ZNF284: variants seen among roughly 807,000 people sequenced by gnomAD.
ZNF284 encodes zinc finger protein 284.
A neutral mutation model predicts 12.9 loss-of-function variants in ZNF284; 12 were observed. The observed-to-expected ratio is 0.93, with a 90% CI of 0.60 to 1.51. The LOEUF (loss-of-function observed/expected upper bound fraction) is 1.51. Among genes scored for constraint, ZNF284 ranks in the 40% most tolerant of loss-of-function variants. The pLI, the probability that ZNF284 is intolerant of heterozygous loss-of-function variation, is 0.00. For missense variants in ZNF284, 667 were observed against 707.3 expected (o/e 0.94, Z 0.65); for synonymous variants, 225 against 236.5 (o/e 0.95, Z 0.45).
In ZNF284 at chr19:44,086,255, T is replaced by G; in HGVS notation, c.777T>G (p.His259Gln). Residue 259 changes from histidine (H) to glutamine (Q), a missense_variant, in exon 5 of 5, where the codon CAT becomes CAG. His to Gln is a conservative substitution (Grantham distance 24). Transcript: ENST00000421176. ...AATTACACACAGGAGAAAAACCTCA[T>G]ATTTGTGAGGAATGTGGGAAGGCCT... Reference protein sequence around the residue: ...HCKLHTGEKPHICEECGKAFI... With the variant: ...HCKLHTGEKPQICEECGKAFI... The G allele has an allele frequency of 6.2e-7, 1 of 1,614,192 alleles. No homozygotes were observed. The highest frequency in any genetic ancestry group is 8.5e-7 in the Non-Finnish European group (1 of 1,180,032).
chr19:44,086,181 C>T lies in ZNF284; in HGVS notation c.703C>T (p.Gln235Ter), dbSNP rs201496854. ...TGGAGAGAAACCATTCAAATGTGAG[C>T]AGTGTGGGAAAAGTTTCAGCCGTAG... The part of the protein sequence containing the change: ...HTGEKPFKCE[Q>*]CGKSFSRRSG... The change falls in exon 5 of 5, where the codon CAG becomes TAG. Residue 235 changes from glutamine to a stop codon, truncating the protein, a stop_gained. Transcript: ENST00000421176. LOFTEE classifies it low-confidence loss of function (END_TRUNC). 672 of 1,614,102 alleles carry T rather than the reference C, an allele frequency of 4.2e-4. No individual in the cohort carries two copies. The highest frequency in any genetic ancestry group is 5.0e-4 in the Non-Finnish European group (588 of 1,180,012).
In ZNF284 at chr19:44,081,156, C is replaced by T; in HGVS notation, c.142+15C>T. The T allele has an allele frequency of 6.2e-7, 1 of 1,605,292 alleles. No individual in the cohort carries two copies. The highest frequency in any genetic ancestry group is 8.5e-7 in the Non-Finnish European group (1 of 1,174,614). On this transcript the variant is annotated intron_variant, in intron 3 of 4. Coordinates refer to ENST00000421176, the MANE Select transcript of ZNF284 (RefSeq NM_001037813.4). Reference sequence around the variant, plus strand: ...GCTATCAGTGGGTGAGCACAGGCACCCTCTGTAATGGAACATCAGGCCCCA... The same window carrying T: ...GCTATCAGTGGGTGAGCACAGGCACTCTCTGTAATGGAACATCAGGCCCCA...
At chr19:44,080,869 C>A in intron 2 of ZNF284, 146 bp from the exon 3 acceptor site, 2 of 1,099,536 alleles carry the variant, frequency 1.8e-6, no homozygotes, top group Non-Finnish European at 2.5e-6. Flanking sequence ...AGGATACAGA[C>A]AGAATGAATG....
intron 2 of ZNF284, among the ~76,000 whole-genome samples, chr19:44,077,355 T>C (rs915751200): frequency 6.6e-6 from 1 of 152,120 alleles, no homozygotes; most frequent in African/African-American, 2.4e-5. Flanking sequence ...TTTACTGGTC[T>C]TTTCTTATTC....
intron 1 of ZNF284, among the ~76,000 whole-genome samples, chr19:44,074,069 A>G (rs1966991513): frequency 6.6e-6 from 1 of 151,056 alleles, no homozygotes; most frequent in Non-Finnish European, 1.5e-5. Flanking sequence ...GTTTCCTGAT[A>G]TTGGCCGGGC....
chr19:44,089,074 C>T lies in ZNF284; in HGVS notation c.*1814C>T, dbSNP rs1326188388. 6.6e-6 allele frequency: 1 copy of T among 152,084 alleles called. No homozygotes were observed. Among genetic ancestry groups the T allele is most frequent in the Non-Finnish European group, 1.5e-5 (1 of 68,122 alleles). 9.4% of individuals were successfully genotyped at this position (152,084 alleles called of 1,614,324 possible). A position where few individuals can be genotyped will look rare whatever the true frequency, so the allele number is the denominator to read the frequency against. ...AAGCGATTCTCCCTCCTCAGCCTTCCAAAGTGCTGGGATTACAGGCCTGAG... is the reference window on the plus strand; with the variant it reads ...AAGCGATTCTCCCTCCTCAGCCTTCTAAAGTGCTGGGATTACAGGCCTGAG... On this transcript the variant is annotated 3_prime_UTR_variant, in exon 5 of 5. Transcript: ENST00000421176.
At position 44,088,145 on chromosome 19, in the gene ZNF284, T is replaced by A. The variant is rs1193790034; in HGVS notation, c.*885T>A. On this transcript the variant is annotated 3_prime_UTR_variant, in exon 5 of 5. Coordinates refer to ENST00000421176, the MANE Select transcript of ZNF284 (RefSeq NM_001037813.4). ...CCAGGCTAGCCTTGAACTCCCAAAC[T>A]CAAATGGTCCACCTGCCTTGGCCTC... 1 of 151,826 alleles carries A rather than the reference T, an allele frequency of 6.6e-6. No individual in the cohort carries two copies. 9.4% of individuals were successfully genotyped at this position (151,826 alleles called of 1,614,324 possible). A position where few individuals can be genotyped will look rare whatever the true frequency, so the allele number is the denominator to read the frequency against.
intron 4 of ZNF284, 44 bp from the exon 5 acceptor site, chr19:44,085,670 A>T (rs758135039): frequency 6.6e-7 from 1 of 1,504,224 alleles, no homozygotes; most frequent in Non-Finnish European, 9.1e-7. Context: ...AACACTGAAC[A>T]AAGGTTTCAC....
chr19:44,083,490 G>T (rs1233751759), intron 4 of ZNF284, among the ~76,000 whole-genome samples: 24,401 of 72,594 alleles, frequency 0.34, 6,686 homozygotes, highest in Non-Finnish European at 0.53. Flanking sequence ...GAGAGAGAGA[G>T]AGAGAGAGAG....
At chr19:44,083,493 AGAGAGAGAG>A (rs1967167109) in intron 4 of ZNF284, among the ~76,000 whole-genome samples, 1 of 96,336 alleles carries the variant, frequency 1.0e-5, no homozygotes, top group Non-Finnish European at 2.3e-5. Flanking sequence ...AGAGAGAGAG[AGAGAGAGAG>A]GGAATGGAAT....
At chr19:44,076,016 A>G (rs1967020017) in intron 1 of ZNF284, among the ~76,000 whole-genome samples, 1 of 152,134 alleles carries the variant, frequency 6.6e-6, no homozygotes, top group Non-Finnish European at 1.5e-5. Context: ...CACACAGTCC[A>G]TGGGTTTTTG....
intron 4 of ZNF284, among the ~76,000 whole-genome samples, chr19:44,083,621 T>G (rs958250088): frequency 2.0e-5 from 3 of 151,576 alleles, no homozygotes; most frequent in Admixed American, 6.6e-5. Context: ...GGAGGACTTT[T>G]AGCTGTTCAA....
chr19:44,079,393 A>G (rs1350226408), intron 2 of ZNF284, among the ~76,000 whole-genome samples: 1 of 152,146 alleles, frequency 6.6e-6, no homozygotes, highest in African/African-American at 2.4e-5. Flanking sequence ...CGGGAGTTTG[A>G]GACCAGCCTG....
chr19:44,085,758 C>A lies in ZNF284; in HGVS notation c.280C>A (p.Pro94Thr). The A allele has an allele frequency of 6.2e-7, 1 of 1,613,986 alleles. No individual in the cohort carries two copies. The highest frequency in any genetic ancestry group is 8.5e-7 in the Non-Finnish European group (1 of 1,179,916). Reference sequence around the variant, plus strand: ...GTTGGAGTCTGTTCCAGAAACAGGACCACATGAAGAGTGGTCTTGCCAGCA... The same window carrying A: ...GTTGGAGTCTGTTCCAGAAACAGGAACACATGAAGAGTGGTCTTGCCAGCA... ...TELESVPETG[P>T]HEEWSCQQIW... The change falls in exon 5 of 5, where the codon CCA becomes ACA. Residue 94 changes from proline to threonine, a missense_variant. By Grantham distance (38) the Pro-to-Thr change is conservative. Transcript: ENST00000421176.
rs143278314 is a variant in ZNF284, at chr19:44,081,078, G to A, written c.79G>A (p.Val27Ile). 1.4e-5 allele frequency: 22 copies of A among 1,613,140 alleles called. No homozygotes were observed. The highest frequency in any genetic ancestry group is 6.7e-5 in the East Asian group (3 of 44,842). The part of the protein sequence containing the change: ...FTEEELGLLD[V>I]SQRKLYRDVM... The stretch of plus-strand genomic sequence containing the variant: ...CGAGGAGGAGCTGGGGCTGCTGGAC[G>A]TTTCCCAGAGGAAGCTGTATCGAGA... The change falls in exon 3 of 5, where the codon GTT (valine) becomes ATT (isoleucine). Residue 27 changes from valine to isoleucine, a missense_variant. Val to Ile is a conservative substitution (Grantham distance 29). Coordinates refer to ENST00000421176, the MANE Select transcript of ZNF284 (RefSeq NM_001037813.4).
Position 44,076,349 on chromosome 19 carries a change from A to G in ZNF284, c.-41A>G, listed in dbSNP as rs769523315. 1 of 1,602,334 alleles carries G rather than the reference A, an allele frequency of 6.2e-7. No homozygotes were observed. On this transcript the variant is annotated 5_prime_UTR_variant, in exon 2 of 5. Transcript: ENST00000421176. ...ACAATTCTGTCTTCTCTTGAACTGC[A>G]TAACTGAGAACTCTGCAAATTCCCC...
Position 44,086,847 on chromosome 19 carries a change from T to A in ZNF284, c.1369T>A (p.Cys457Ser). The A allele has an allele frequency of 6.2e-7, 1 of 1,613,956 alleles. No individual in the cohort carries two copies. The change falls in exon 5 of 5, where the codon TGT becomes AGT. Residue 457 changes from cysteine (C) to serine (S), a missense_variant. Transcript: ENST00000421176. ...CCACACGGGAGAGAGACCTTATAAT[T>A]GTAAGGAATGTGGAAAGAGCTTCAG... ...RVHTGERPYNCKECGKSFRWA... is the reference protein window; with the variant it reads ...RVHTGERPYNSKECGKSFRWA...
In ZNF284 at chr19:44,076,336, T is replaced by C. The variant is rs775539918; in HGVS notation, c.-54T>C. The C allele has an allele frequency of 5.7e-6, 9 of 1,585,902 alleles. No homozygotes were observed. The highest frequency in any genetic ancestry group is 6.9e-6 in the Non-Finnish European group (8 of 1,163,486). On this transcript the variant is annotated 5_prime_UTR_variant, in exon 2 of 5. Coordinates refer to ENST00000421176, the MANE Select transcript of ZNF284 (RefSeq NM_001037813.4). Reference sequence around the variant, plus strand: ...GCATGTTTCAGGCACAATTCTGTCTTCTCTTGAACTGCATAACTGAGAACT... The same window carrying C: ...GCATGTTTCAGGCACAATTCTGTCTCCTCTTGAACTGCATAACTGAGAACT...
rs369589003 is a variant in ZNF284, at chr19:44,086,477, T to C, written c.999T>C (p.His333=). ...SFGQRSALNS[H]CMDHTKEKLY... ...GTCAGAGATCAGCACTTAATAGTCA[T>C]TGCATGGACCACACAAAAGAGAAAC... Residue 333 remains histidine, a synonymous_variant, in exon 5 of 5, where the codon CAT becomes CAC. Coordinates refer to ENST00000421176, the MANE Select transcript of ZNF284 (RefSeq NM_001037813.4). The C allele has an allele frequency of 1.2e-5, 20 of 1,614,180 alleles. No individual in the cohort carries two copies. In the South Asian group the frequency reaches 2.2e-4, roughly 18 times the overall value.
Sources: gnomAD v4.1 joint callset for allele counts (sites outside exome capture counted in the v4.1 genomes callset) on GRCh38, gnomAD v4.1.1 for gene constraint, MANE v1.5 for transcripts, NCBI Gene and HGNC (gene_info 2026-07-23, HGNC 2026-07-21) for gene names.